Variants in UBE2E1 observed in about 807,000 individuals in gnomAD.
The protein encoded by UBE2E1 is ubiquitin conjugating enzyme E2 E1.
UBE2E1 carries 6 observed loss-of-function variants against 21.4 expected under a neutral mutation model. That is an observed-to-expected ratio of 0.28 (90% CI 0.15 to 0.55). The LOEUF (loss-of-function observed/expected upper bound fraction) is 0.55, where lower values mean the gene tolerates loss of function less well. UBE2E1 is among the 20% of genes least tolerant of loss of function. The pLI is 0.93. For missense variants in UBE2E1, 142 were observed against 236.5 expected (o/e 0.60, Z 2.62); for synonymous variants, 87 against 82.7 (o/e 1.05, Z -0.28).
chr3:23,866,482 A>G (rs1301379043), intron 3 of UBE2E1: 1 of 152,254 alleles, frequency 6.6e-6, no homozygotes, highest in Non-Finnish European at 1.5e-5. Context: ...AGCTGGAGAA[A>G]GTAGGTCTCA....
chr3:23,841,346 T>C (rs1700080019), intron 3 of UBE2E1, among the ~76,000 whole-genome samples: 1 of 152,198 alleles, frequency 6.6e-6, no homozygotes, highest in Non-Finnish European at 1.5e-5. Flanking sequence ...GTCATTAGAA[T>C]TTTTAATTGT....
At chr3:23,846,698 C>CAAAAAAAAAA (rs10662469) in intron 3 of UBE2E1, among the ~76,000 whole-genome samples, 1 of 89,846 alleles carries the variant, frequency 1.1e-5, no homozygotes. Flanking sequence ...TCCATCTCAT[C>CAAAAAAAAAA]AAAAAAAAAA....
rs72627056 is a variant in UBE2E1 at position 23,887,966 on chromosome 3, T to C, written c.336+267T>C. Reference sequence around the variant, plus strand: ...TGTCAGCAACCTAGAATTAATCCCCTGTTTTCCAGCCCATAGAGAAATGTT... The same window carrying C: ...TGTCAGCAACCTAGAATTAATCCCCCGTTTTCCAGCCCATAGAGAAATGTT... On this transcript the variant is annotated intron_variant, in intron 4 of 5. Coordinates refer to ENST00000306627, the MANE Select transcript of UBE2E1 (RefSeq NM_003341.5). The surrounding 1 kb of genome is among the most constrained non-coding windows in gnomAD (Gnocchi z 4.4). 5.6e-3 allele frequency among the ~76,000 whole-genome samples: 853 copies of C among 152,160 alleles called. 18 individuals are homozygous for C. Among genetic ancestry groups the C allele is most frequent in the East Asian group, 0.05 (257 of 5,154 alleles).
chr3:23,807,335 C>T lies in UBE2E1; in HGVS notation c.66C>T (p.Thr22=). The T allele has an allele frequency of 6.2e-7, 1 of 1,613,854 alleles. No individual in the cohort carries two copies. The highest frequency in any genetic ancestry group is 8.5e-7 in the Non-Finnish European group (1 of 1,179,960). ...CATCTTCGTCTTCCAACCAGCAAAC[C>T]GAGAAAGAAACAAACACCCCCAAGA... ...SSSSSSSNQQ[T]EKETNTPKKK... Residue 22 remains threonine, a synonymous_variant, in exon 2 of 6, where the codon ACC becomes ACT. Transcript: ENST00000306627.
chr3:23,821,561 G>T (rs1336177544), intron 3 of UBE2E1, among the ~76,000 whole-genome samples: 1 of 152,250 alleles, frequency 6.6e-6, no homozygotes, highest in Non-Finnish European at 1.5e-5. Flanking sequence ...TCTGTTTCAA[G>T]CTAGCTGGTG....
At chr3:23,884,744 A>T (rs1240661079) in intron 3 of UBE2E1, among the ~76,000 whole-genome samples, 1 of 152,112 alleles carries the variant, frequency 6.6e-6, no homozygotes, top group African/African-American at 2.4e-5. Context: ...TGCCTCTAGG[A>T]GGCAGCTTGG....
intron 3 of UBE2E1, among the ~76,000 whole-genome samples, chr3:23,812,893 A>G (rs1559474201): frequency 6.6e-6 from 1 of 152,020 alleles, no homozygotes; most frequent in Non-Finnish European, 1.5e-5. Flanking sequence ...TGTGTGTGTT[A>G]TTAATAACAT....
chr3:23,810,566 G>A lies in UBE2E1; in HGVS notation c.153-894G>A, dbSNP rs1397034613. On this transcript the variant is annotated intron_variant, in intron 2 of 5. Coordinates refer to ENST00000306627, the MANE Select transcript of UBE2E1 (RefSeq NM_003341.5). This position sits in a 1 kb window ranked among gnomAD's most constrained non-coding sequence, Gnocchi z 5.8. ...GGGCCGAGAGTCCCGGCCAGCGTGC[G>A]GGGCGGAGGCAGGGTCCGGTGCACC... The A allele has an allele frequency of 2.0e-6, 3 of 1,519,808 alleles. No individual in the cohort carries two copies. In the Admixed American group the frequency reaches 6.0e-5, roughly 30 times the overall value. The allele number at this position is 1,519,808 out of a possible 1,614,324, so 94.1% of individuals were successfully genotyped here.
intron 3 of UBE2E1, among the ~76,000 whole-genome samples, chr3:23,875,525 C>G (rs574672831): frequency 6.6e-6 from 1 of 152,264 alleles, no homozygotes; most frequent in East Asian, 1.9e-4. Context: ...CCTTGTGCGT[C>G]ACAAAAAGTT....
intron 3 of UBE2E1, among the ~76,000 whole-genome samples, chr3:23,850,648 A>G (rs1351115564): frequency 6.8e-6 from 1 of 147,674 alleles, no homozygotes; most frequent in East Asian, 2.0e-4. Flanking sequence ...CTGGGACTAC[A>G]TGCATGCACC....
intron 3 of UBE2E1, among the ~76,000 whole-genome samples, chr3:23,818,486 A>G (rs1699574474): frequency 6.6e-6 from 1 of 152,130 alleles, no homozygotes; most frequent in Non-Finnish European, 1.5e-5. Flanking sequence ...TAGTTTGACG[A>G]TTTTCACAGC....
At chr3:23,877,619 T>C (rs960212427) in intron 3 of UBE2E1, among the ~76,000 whole-genome samples, 2 of 152,162 alleles carry the variant, frequency 1.3e-5, no homozygotes, top group African/African-American at 4.8e-5. Context: ...TTACTTCCAG[T>C]TGAGAACCAC....
chr3:23,811,636 T>G, intron 3 of UBE2E1, 126 bp downstream of exon 3: 3 of 849,872 alleles, frequency 3.5e-6, no homozygotes, highest in Non-Finnish European at 5.6e-6. Flanking sequence ...TAACATCACG[T>G]AACAGCTGAA....
At chr3:23,883,285 T>A (rs1397533930) in intron 3 of UBE2E1, among the ~76,000 whole-genome samples, 2 of 152,114 alleles carry the variant, frequency 1.3e-5, no homozygotes, top group Non-Finnish European at 2.9e-5. Context: ...TATTAAAGGG[T>A]GTACTTAGGT....
At chr3:23,822,497 A>G (rs1027150416) in intron 3 of UBE2E1, among the ~76,000 whole-genome samples, 14 of 152,112 alleles carry the variant, frequency 9.2e-5, no homozygotes, top group African/African-American at 3.4e-4. Flanking sequence ...TTCCTCACCA[A>G]AAAAAGTTAA....
At chr3:23,874,443 T>G (rs192134347) in intron 3 of UBE2E1, among the ~76,000 whole-genome samples, 1 of 152,318 alleles carries the variant, frequency 6.6e-6, no homozygotes, top group East Asian at 1.9e-4. Context: ...TTGTGCCCTG[T>G]GAACTGAAGA....
chr3:23,812,321 T>A (rs954260668), intron 3 of UBE2E1, among the ~76,000 whole-genome samples: 17 of 152,226 alleles, frequency 1.1e-4, no homozygotes, highest in Admixed American at 7.8e-4. Context: ...ACATTTAACC[T>A]AGTTCTCAAG....
At chr3:23,851,692 G>C (rs1700327819) in intron 3 of UBE2E1, among the ~76,000 whole-genome samples, 1 of 152,096 alleles carries the variant, frequency 6.6e-6, no homozygotes, top group East Asian at 1.9e-4. Flanking sequence ...GTGCCAGCTA[G>C]TCAAGAGGCT....
chr3:23,887,133 AAGG>A lies in UBE2E1; in HGVS notation c.204-432_204-430del, dbSNP rs1200772135. Among the ~76,000 whole-genome samples the A allele has an allele frequency of 6.6e-5, 10 of 152,346 alleles. No homozygotes were observed. The highest frequency in any genetic ancestry group is 5.9e-4 in the Admixed American group (9 of 15,304). On this transcript the variant is annotated intron_variant, in intron 3 of 5. Coordinates refer to ENST00000306627, the MANE Select transcript of UBE2E1 (RefSeq NM_003341.5). This position sits in a 1 kb window ranked among gnomAD's most constrained non-coding sequence, Gnocchi z 4.4. ...GGTGAGATTATGGAGATAGAAGAGC[AAGG>A]AAGAGCCAGTTAGTGGGTCAGAAAA...
Sources: allele counts gnomAD v4.1 joint callset (sites outside exome capture counted in the v4.1 genomes callset), GRCh38; gene constraint gnomAD v4.1.1; non-coding constraint Gnocchi (gnomAD v3.1); transcripts MANE v1.5; gene names NCBI Gene and HGNC (gene_info 2026-07-23, HGNC 2026-07-21).